ZFP62: variants seen among roughly 807,000 people sequenced by gnomAD.
ZFP62 encodes ZFP62 zinc finger protein.
Under a neutral mutation model 56.4 loss-of-function variants are expected in ZFP62, and 44 were observed. That is an observed-to-expected ratio of 0.78 (90% CI 0.61 to 1.00). ZFP62 has a LOEUF of 1.00. Ranked by LOEUF, ZFP62 falls within the 50% of genes least tolerant of loss-of-function variation. The pLI is 0.00. For missense variants in ZFP62, 1,030 were observed against 1,085.7 expected, an observed-to-expected ratio of 0.95 and a Z score of 0.72; for synonymous variants, 421 against 388.9, an observed-to-expected ratio of 1.08 and a Z score of -0.97.
rs1449028226 is a variant in ZFP62, at chr5:180,849,398, T to C, written c.2097A>G (p.Thr699=). The C allele has an allele frequency of 6.4e-7, 1 of 1,550,914 alleles. No homozygotes were observed. The highest frequency in any genetic ancestry group is 8.7e-7 in the Non-Finnish European group (1 of 1,146,576). The stretch of plus-strand genomic sequence containing the variant: ...TTCCACATTCATCACATGTATGGGG[T>C]GTCCTGCCAGGGTGGGTACTCTTAT... ...INHKSTHPGR[T]PHTCDECGKA... is the part of the protein sequence containing the mutation. Residue 699 remains threonine (T), a synonymous_variant, in exon 2 of 2, where the codon ACA becomes ACG. Transcript: ENST00000502412.
chr5:180,852,034 T>C (rs551355275), intron 1 of ZFP62: 3 of 986,180 alleles, frequency 3.0e-6, no homozygotes, highest in Non-Finnish European at 3.6e-6. Context: ...TGAAGACAGT[T>C]ACTGCAGAGA....
In ZFP62 at chr5:180,849,782, G is replaced by C. The variant is rs748661577; in HGVS notation, c.1713C>G (p.Ile571Met). The change falls in exon 2 of 2, where the codon ATC (isoleucine) becomes ATG (methionine). Residue 571 changes from isoleucine to methionine, a missense_variant. Ile to Met is a conservative substitution (Grantham distance 10). Coordinates refer to ENST00000502412, the MANE Select transcript of ZFP62 (RefSeq NM_001172638.2). ...TATGATTTATAAGGCTCGAGAGAGA[G>C]ATGTATGCTTTCCCACATTCTTCAC... ...YKCEECGKAY[I>M]SLSSLINHKS... 6.4e-7 allele frequency: 1 copy of C among 1,551,816 alleles called. No individual in the cohort carries two copies. Among genetic ancestry groups the C allele is most frequent in the Non-Finnish European group, 8.7e-7 (1 of 1,147,102 alleles).
At chr5:180,852,542 G>A (rs1305822263) in intron 1 of ZFP62, among the ~76,000 whole-genome samples, 16 of 120,092 alleles carry the variant, frequency 1.3e-4, no homozygotes, top group African/African-American at 4.7e-4. Context: ...GACAGAGCAA[G>A]ACTCCGTCTC....
intron 1 of ZFP62, among the ~76,000 whole-genome samples, 182 bp downstream of exon 1, chr5:180,861,037 C>G (rs972557380): frequency 6.6e-6 from 1 of 152,164 alleles, no homozygotes; most frequent in Non-Finnish European, 1.5e-5. Context: ...TCTGCCTGCC[C>G]GAGGTCTTCC....
At chr5:180,837,179 G>A in the ZFP62 span, among the ~76,000 whole-genome samples, 54 of 152,330 alleles carry the variant, frequency 3.5e-4, no homozygotes, top group Non-Finnish European at 6.5e-4. Flanking sequence ...GCATTGGTGA[G>A]TGGCTGAGGG....
At chr5:180,829,034 G>C in the ZFP62 span, among the ~76,000 whole-genome samples, 1 of 152,190 alleles carries the variant, frequency 6.6e-6, no homozygotes, top group South Asian at 2.1e-4. Flanking sequence ...CTCCATCCTG[G>C]TAAATTTTTG....
chr5:180,861,127 A>AC, intron 1 of ZFP62, 92 bp downstream of exon 1: 1 of 398,562 alleles, frequency 2.5e-6, no homozygotes, highest in Non-Finnish European at 4.4e-6. Flanking sequence ...CCCGCCCGAG[A>AC]CCCGCGGAGC....
Position 180,850,692 on chromosome 5 carries a change from A to G in ZFP62, c.803T>C (p.Leu268Pro). 2 of 1,600,632 alleles carry G rather than the reference A, an allele frequency of 1.2e-6. No individual in the cohort carries two copies. The highest frequency in any genetic ancestry group is 1.7e-6 in the Non-Finnish European group (2 of 1,173,336). The change falls in exon 2 of 2, where the codon CTC becomes CCC. Residue 268 changes from leucine to proline, a missense_variant. Physicochemically the swap from Leu to Pro is moderately conservative, Grantham distance 98. Coordinates refer to ENST00000502412, the MANE Select transcript of ZFP62 (RefSeq NM_001172638.2). Reference protein sequence around the residue: ...CGKAFRNSSGLRVHKRIHTGE... With the variant: ...CGKAFRNSSGPRVHKRIHTGE... The stretch of plus-strand genomic sequence containing the variant: ...CGTGTGGATCCTTTTGTGGACTCTG[A>G]GCCCAGAGCTGTTCCTGAAGGCCTT...
rs1773665775 is a variant in ZFP62, at chr5:180,850,921, T to C, written c.574A>G (p.Thr192Ala). 2 of 1,563,372 alleles carry C rather than the reference T, an allele frequency of 1.3e-6. No homozygotes were observed. Among genetic ancestry groups the C allele is most frequent in the Non-Finnish European group, 1.7e-6 (2 of 1,154,232 alleles). ...SSLRVHKRIH[T>A]GEKPYKCEEC... is the part of the protein sequence containing the mutation. Reference sequence around the variant, plus strand: ...TCACACTTGTACGGCTTCTCCCCAGTGTGGATCCGTTTGTGGACCCGAAGG... The same window carrying C: ...TCACACTTGTACGGCTTCTCCCCAGCGTGGATCCGTTTGTGGACCCGAAGG... Residue 192 changes from threonine to alanine, a missense_variant, in exon 2 of 2, where the codon ACT becomes GCT. Physicochemically the swap from Thr to Ala is moderately conservative, Grantham distance 58. Transcript: ENST00000502412.
At chr5:180,857,892 G>C (rs749994392) in intron 1 of ZFP62, among the ~76,000 whole-genome samples, 1 of 151,538 alleles carries the variant, frequency 6.6e-6, no homozygotes, top group Non-Finnish European at 1.5e-5. Flanking sequence ...ACTAAAAAGG[G>C]AAAAGTTAAA....
downstream of ZFP62, among the ~76,000 whole-genome samples, chr5:180,845,441 C>A (rs1313882927): frequency 6.7e-6 from 1 of 148,312 alleles, no homozygotes; most frequent in African/African-American, 2.5e-5. Context: ...TGAACTCAGG[C>A]TTCCTTGTGG....
Position 180,849,023 on chromosome 5 carries a change from T to C in ZFP62, c.2472A>G (p.Arg824=). The change falls in exon 2 of 2, where the codon AGA becomes AGG. Residue 824 remains arginine, a synonymous_variant. Transcript: ENST00000502412. The part of the protein sequence containing the change: ...NCECGKSFNY[R]SVLDQHKRIH... ...TCCTTTTGTGCTGGTCAAGGACTGA[T>C]CTATAATTGAAGGATTTCCCACACT... is the stretch of plus-strand genomic sequence containing the variant. The C allele has an allele frequency of 1.9e-6, 3 of 1,552,008 alleles. No homozygotes were observed. Among genetic ancestry groups the C allele is most frequent in the Non-Finnish European group, 1.7e-6 (2 of 1,147,050 alleles).
chr5:180,850,675 T>G lies in ZFP62; in HGVS notation c.820A>C (p.Ile274Leu). Residue 274 changes from isoleucine to leucine, a missense_variant, in exon 2 of 2, where the codon ATC becomes CTC. Coordinates refer to ENST00000502412, the MANE Select transcript of ZFP62 (RefSeq NM_001172638.2). ...NSSGLRVHKR[I>L]HTGEKPYECD... ...TCATAGGGCTTCTCCCCCGTGTGGA[T>G]CCTTTTGTGGACTCTGAGCCCAGAG... The G allele has an allele frequency of 6.3e-7, 1 of 1,594,986 alleles. No homozygotes were observed. The highest frequency in any genetic ancestry group is 1.1e-5 in the South Asian group (1 of 88,730).
the ZFP62 span, chr5:180,834,624 GTTGT>G: frequency 1.3e-5 from 2 of 151,964 alleles, no homozygotes; most frequent in African/African-American, 4.8e-5. Context: ...AGAAATGTGT[GTTGT>G]TTAAGCCACC....
At chr5:180,856,950 C>A (rs146829925) in intron 1 of ZFP62, among the ~76,000 whole-genome samples, 1 of 41,054 alleles carries the variant, frequency 2.4e-5, no homozygotes, top group Non-Finnish European at 4.3e-5. Context: ...AAGACTATGT[C>A]TCAAAAAAAA....
chr5:180,857,257 A>G lies in ZFP62; in HGVS notation c.1+3962T>C, dbSNP rs150424516. ...TATTTTATTAAACTGGAGTTGGCAA[A>G]CATTTTCTGTAAGAACCAGGTAGCA... is the stretch of plus-strand genomic sequence containing the variant. On this transcript the variant is annotated intron_variant, in intron 1 of 1. Coordinates refer to ENST00000502412, the MANE Select transcript of ZFP62 (RefSeq NM_001172638.2). Among the ~76,000 whole-genome samples, 381 of 152,342 alleles carry G rather than the reference A, an allele frequency of 2.5e-3. 2 individuals are homozygous for G. Among genetic ancestry groups the G allele is most frequent in the African/African-American group, 8.5e-3 (354 of 41,568 alleles).
At chr5:180,829,398 C>T in the ZFP62 span, among the ~76,000 whole-genome samples, 6 of 152,258 alleles carry the variant, frequency 3.9e-5, no homozygotes, top group African/African-American at 1.2e-4. Context: ...CACTCCCTCC[C>T]CTTTTGAAAT....
downstream of ZFP62, among the ~76,000 whole-genome samples, chr5:180,845,326 T>TAAAAAA (rs772922940): frequency 7.6e-4 from 25 of 32,824 alleles, 6 homozygotes; most frequent in East Asian, 3.8e-3. Flanking sequence ...GAGACCGTCT[T>TAAAAAA]AAAAAAAAAA....
intron 1 of ZFP62, among the ~76,000 whole-genome samples, chr5:180,854,308 T>C (rs1198551542): frequency 2.6e-5 from 4 of 152,166 alleles, no homozygotes; most frequent in Non-Finnish European, 5.9e-5. Flanking sequence ...TAACTAAGTA[T>C]AGTGATACAT....
Sources: allele counts gnomAD v4.1 joint callset (sites outside exome capture counted in the v4.1 genomes callset), GRCh38; gene constraint gnomAD v4.1.1; transcripts MANE v1.5; gene names NCBI Gene and HGNC (gene_info 2026-07-23, HGNC 2026-07-21).